ZNF138: variants seen among roughly 807,000 people sequenced by gnomAD.
ZNF138 encodes the protein zinc finger protein 138.
In ZNF138, 33 loss-of-function variants were observed where a neutral mutation model predicts 33.0. The observed-to-expected ratio is 1.00, with a 90% CI of 0.76 to 1.34. ZNF138 has a LOEUF of 1.34. Ranked by LOEUF, ZNF138 falls within the 40% of genes most tolerant of loss-of-function variation. The pLI is 0.00. For missense variants in ZNF138, 360 were observed against 370.8 expected, an observed-to-expected ratio of 0.97 and a Z score of 0.24; for synonymous variants, 139 against 120.4, an observed-to-expected ratio of 1.15 and a Z score of -1.01.
chr7:64,841,686 C>T, the ZNF138 span, among the ~76,000 whole-genome samples: 2 of 152,092 alleles, frequency 1.3e-5, no homozygotes, highest in Admixed American at 6.5e-5. Context: ...CATCACAGCC[C>T]CTCTCCCTTT....
chr7:64,804,937 C>T (rs1435998284), intron 1 of ZNF138, among the ~76,000 whole-genome samples: 1 of 152,130 alleles, frequency 6.6e-6, no homozygotes, highest in African/African-American at 2.4e-5. Context: ...TTTCTCATGT[C>T]GAGAGTAGCG....
At chr7:64,804,326 C>T (rs937024620) in intron 1 of ZNF138, among the ~76,000 whole-genome samples, 2 of 152,116 alleles carry the variant, frequency 1.3e-5, no homozygotes, top group Admixed American at 6.6e-5. Flanking sequence ...GCATGCAGCC[C>T]CCAGTCATGT....
intron 3 of ZNF138, among the ~76,000 whole-genome samples, chr7:64,823,488 A>G (rs1334602023): frequency 6.6e-6 from 1 of 152,070 alleles, no homozygotes; most frequent in East Asian, 1.9e-4. Context: ...GACATGCACT[A>G]CCATGTTCAA....
downstream of ZNF138, among the ~76,000 whole-genome samples, chr7:64,838,453 G>A (rs1036552219): frequency 6.6e-6 from 1 of 152,148 alleles, no homozygotes; most frequent in Non-Finnish European, 1.5e-5. Context: ...GGTGCCAGAC[G>A]GGGCCTGGGA....
intron 1 of ZNF138, among the ~76,000 whole-genome samples, chr7:64,811,994 A>G (rs1788211949): frequency 2.0e-5 from 3 of 152,218 alleles, no homozygotes; most frequent in African/African-American, 7.2e-5. Context: ...AATTAGGATT[A>G]CATGGCCAAT....
At chr7:64,816,871 G>A (rs1788680778) in intron 3 of ZNF138, among the ~76,000 whole-genome samples, 1 of 152,184 alleles carries the variant, frequency 6.6e-6, no homozygotes, top group Non-Finnish European at 1.5e-5. Context: ...GTTTGTAATG[G>A]AGAGGGGTGT....
At chr7:64,834,853 T>C (rs1342660400), downstream of ZNF138, among the ~76,000 whole-genome samples, 3 of 152,226 alleles carry the variant, frequency 2.0e-5, no homozygotes, top group Non-Finnish European at 4.4e-5. Context: ...TAGTATATAA[T>C]TTTACTAATT....
chr7:64,844,011 A>C, the ZNF138 span, among the ~76,000 whole-genome samples: 1 of 152,102 alleles, frequency 6.6e-6, no homozygotes, highest in African/African-American at 2.4e-5. Flanking sequence ...TTTAGTAGAC[A>C]CAGGGTTTCA....
intron 3 of ZNF138, among the ~76,000 whole-genome samples, chr7:64,826,661 T>G (rs1384873799): frequency 6.6e-6 from 1 of 151,968 alleles, no homozygotes; most frequent in African/African-American, 2.4e-5. Context: ...TAGACAGAGT[T>G]TCACTGTCTT....
intron 3 of ZNF138, among the ~76,000 whole-genome samples, chr7:64,827,260 T>TG (rs1222463730): frequency 4.0e-5 from 6 of 151,462 alleles, no homozygotes; most frequent in Non-Finnish European, 1.5e-5. Context: ...ACTTTTTTTT[T>TG]TTTTTAAGAC....
downstream of ZNF138, among the ~76,000 whole-genome samples, chr7:64,838,368 T>C (rs2129018661): frequency 6.6e-6 from 1 of 151,808 alleles, no homozygotes; most frequent in African/African-American, 2.4e-5. Context: ...CTTGAAACAG[T>C]TGCAAGGCAG....
chr7:64,832,637 T>A lies in ZNF138; in HGVS notation c.*435T>A. Reference sequence around the variant, plus strand: ...ACCAGTCCTCACACCTTATGAGACATAAGAAAATTCATAGTAAAGAGAAAC... The same window carrying A: ...ACCAGTCCTCACACCTTATGAGACAAAAGAAAATTCATAGTAAAGAGAAAC... On this transcript the variant is annotated 3_prime_UTR_variant, in exon 4 of 4. Transcript: ENST00000307355. The A allele has an allele frequency of 2.2e-6, 1 of 464,876 alleles. No individual in the cohort carries two copies. The highest frequency in any genetic ancestry group is 4.2e-6 in the Non-Finnish European group (1 of 237,606). The allele number at this position is 464,876 out of a possible 1,614,324, so 28.8% of individuals were successfully genotyped here.
intron 1 of ZNF138, among the ~76,000 whole-genome samples, chr7:64,808,011 G>A (rs887374293): frequency 2.6e-5 from 4 of 152,152 alleles, no homozygotes; most frequent in African/African-American, 9.7e-5. Context: ...CTCCGCTAGG[G>A]CAGTTTCATT....
intron 1 of ZNF138, among the ~76,000 whole-genome samples, chr7:64,794,808 C>T (rs563061768): frequency 1.3e-5 from 2 of 152,214 alleles, no homozygotes; most frequent in South Asian, 2.1e-4. Flanking sequence ...GGCCTGGAGC[C>T]CTCTCTGAGC....
intron 3 of ZNF138, among the ~76,000 whole-genome samples, chr7:64,823,522 G>A (rs1019338868): frequency 6.6e-6 from 1 of 151,740 alleles, no homozygotes; most frequent in Non-Finnish European, 1.5e-5. Context: ...TATTTGTAGG[G>A]ACAAGACATC....
At chr7:64,829,751 T>C (rs796408979) in intron 3 of ZNF138, among the ~76,000 whole-genome samples, 3 of 139,792 alleles carry the variant, frequency 2.1e-5, no homozygotes, top group Non-Finnish European at 4.8e-5. Flanking sequence ...TTTTCTGCAC[T>C]ATTATGATAA....
chr7:64,813,184 G>A (rs1788321567), intron 1 of ZNF138, among the ~76,000 whole-genome samples: 1 of 152,114 alleles, frequency 6.6e-6, no homozygotes. Flanking sequence ...TCTGTTGGGG[G>A]AAAGCTGGGG....
At chr7:64,800,649 T>C (rs1787065651) in intron 1 of ZNF138, among the ~76,000 whole-genome samples, 1 of 152,220 alleles carries the variant, frequency 6.6e-6, no homozygotes, top group African/African-American at 2.4e-5. Context: ...TAAAGTTTTC[T>C]TTTTATATCT....
Position 64,832,958 on chromosome 7 carries a change from G to A in ZNF138, c.*756G>A, listed in dbSNP as rs1249044564. The stretch of plus-strand genomic sequence containing the variant: ...GTGGCAGTTGTTTTAACTAGTTCTC[G>A]AACTTTACTATGCATAAGAAAATTC... On this transcript the variant is annotated 3_prime_UTR_variant, in exon 4 of 4. Transcript: ENST00000307355. The A allele has an allele frequency of 8.0e-6, 3 of 377,020 alleles. No individual in the cohort carries two copies. The highest frequency in any genetic ancestry group is 4.3e-5 in the South Asian group (2 of 46,002). 23.4% of individuals were successfully genotyped at this position (377,020 alleles called of 1,614,324 possible).
Sources: allele counts gnomAD v4.1 joint callset (sites outside exome capture counted in the v4.1 genomes callset), GRCh38; gene constraint gnomAD v4.1.1; transcripts MANE v1.5; gene names NCBI Gene and HGNC (gene_info 2026-07-23, HGNC 2026-07-21).